PSG6: variants seen among roughly 807,000 people sequenced by gnomAD.
PSG6 encodes pregnancy specific beta-1-glycoprotein 6.
Under a neutral mutation model 43.3 loss-of-function variants are expected in PSG6, and 51 were observed. That is an observed-to-expected ratio of 1.18 (90% CI 0.94 to 1.49). The LOEUF (loss-of-function observed/expected upper bound fraction) is 1.49, where lower values mean the gene tolerates loss of function less well. Ranked by LOEUF, PSG6 falls within the 40% of genes most tolerant of loss-of-function variation. The pLI is 0.00. For missense variants in PSG6, 770 were observed against 522.2 expected, an observed-to-expected ratio of 1.47 and a Z score of -4.62; for synonymous variants, 292 against 197.6, an observed-to-expected ratio of 1.48 and a Z score of -4.01.
At chr19:42,909,532 T>C (rs1384431162) in intron 3 of PSG6, among the ~76,000 whole-genome samples, 1 of 151,694 alleles carries the variant, frequency 6.6e-6, no homozygotes, top group Non-Finnish European at 1.5e-5. Context: ...ATATTGCTTC[T>C]TCCAATCCAT....
chr19:42,902,506 A>C (rs896329145), intron 5 of PSG6, 60 bp from the exon 6 acceptor site: 14 of 1,595,632 alleles, frequency 8.8e-6, no homozygotes, highest in Non-Finnish European at 1.0e-5. Context: ...TTACAGAGAA[A>C]GCTTCTTTCC....
chr19:42,910,417 C>A, intron 3 of PSG6, 163 bp downstream of exon 3: 1 of 1,560,184 alleles, frequency 6.4e-7, no homozygotes, highest in Admixed American at 1.7e-5. Flanking sequence ...TTGATCAAGC[C>A]TAGGCCTACT....
intron 3 of PSG6, 72 bp downstream of exon 3, chr19:42,910,508 T>G: frequency 6.2e-7 from 1 of 1,611,682 alleles, no homozygotes; most frequent in South Asian, 1.1e-5. Flanking sequence ...TGAGAGGGAC[T>G]GAGAGGCCTG....
chr19:42,914,071 G>A (rs1972277815), intron 2 of PSG6, among the ~76,000 whole-genome samples: 1 of 151,648 alleles, frequency 6.6e-6, no homozygotes, highest in African/African-American at 2.4e-5. Context: ...GGAGGCCAGA[G>A]GAACTTGTCT....
Position 42,907,142 on chromosome 19 carries a change from G to A in PSG6, c.1020C>T (p.Phe340=). 6.2e-7 allele frequency: 1 copy of A among 1,612,698 alleles called. No homozygotes were observed. Among genetic ancestry groups the A allele is most frequent in the Non-Finnish European group, 8.5e-7 (1 of 1,179,250 alleles). ...GPDLPRIYPS[F]TYYRSGENLD... is the part of the protein sequence containing the mutation. ...GGTTTTCTCCTGAACGGTAATAGGT[G>A]AATGAAGGGTAAATTCTGGGGAGGT... The change falls in exon 5 of 6, where the codon TTC becomes TTT. Residue 340 remains phenylalanine, a synonymous_variant. Coordinates refer to ENST00000187910, the MANE Select transcript of PSG6 (RefSeq NM_001031850.4).
intron 3 of PSG6, chr19:42,910,306 G>C (rs1330741149): frequency 1.2e-6 from 1 of 830,094 alleles, no homozygotes; most frequent in African/African-American, 1.7e-5. Flanking sequence ...AATCCCCGCT[G>C]TGTTCACTGA....
chr19:42,906,503 G>A (rs1219545943), intron 5 of PSG6: 1 of 1,238,328 alleles, frequency 8.1e-7, no homozygotes, highest in African/African-American at 1.5e-5. Flanking sequence ...CCTCTCATTT[G>A]GGGGAAAAGT....
Position 42,906,903 on chromosome 19 carries a change from G to T in PSG6, c.1240+19C>A. 1 of 1,612,210 alleles carries T rather than the reference G, an allele frequency of 6.2e-7. No homozygotes were observed. The highest frequency in any genetic ancestry group is 1.3e-5 in the African/African-American group (1 of 74,790). On this transcript the variant is annotated intron_variant, in intron 5 of 5. Coordinates refer to ENST00000187910, the MANE Select transcript of PSG6 (RefSeq NM_001031850.4). ...CTCCACCTAAAACCCTATTGCCAAG[G>T]ATGCTGGGATCCACTTACCAGAGAC...
In PSG6 at chr19:42,907,524, C is replaced by G; in HGVS notation, c.985+52G>C. On this transcript the variant is annotated intron_variant, in intron 4 of 5. Coordinates refer to ENST00000187910, the MANE Select transcript of PSG6 (RefSeq NM_001031850.4). ...GAGACTGAGAGGCCTGGCCTCTGGT[C>G]GTTTGGAGTTAAGCTGGTGTCCTGG... The G allele has an allele frequency of 1.9e-6, 3 of 1,604,734 alleles. 1 individual carries two copies. Among genetic ancestry groups the G allele is most frequent in the Non-Finnish European group, 2.6e-6 (3 of 1,175,512 alleles).
intron 5 of PSG6, among the ~76,000 whole-genome samples, chr19:42,905,158 G>A (rs1467406563): frequency 6.6e-6 from 1 of 151,602 alleles, no homozygotes; most frequent in African/African-American, 2.4e-5. Flanking sequence ...AAATGTAAGA[G>A]TAAAAACTAT....
chr19:42,903,735 A>T, intron 5 of PSG6: 1 of 1,522,004 alleles, frequency 6.6e-7, no homozygotes, highest in Non-Finnish European at 8.8e-7. Flanking sequence ...CAAAAAAAAA[A>T]AAAACCAATT....
In PSG6 at chr19:42,916,250, T is replaced by C. The variant is rs973122332; in HGVS notation, c.302A>G (p.Tyr101Cys). The change falls in exon 2 of 6, where the codon TAT becomes TGT. Residue 101 changes from tyrosine to cysteine, a missense_variant. Physicochemically the swap from Tyr to Cys is radical, Grantham distance 194. Transcript: ENST00000187910. ...GPAYSGRETV[Y>C]SNASLLIQNV... ...CTGGATCAGCAGGGATGCATTGGAATATACTGTTTCTCGTCCACTGTAGGC... is the reference window on the plus strand; with the variant it reads ...CTGGATCAGCAGGGATGCATTGGAACATACTGTTTCTCGTCCACTGTAGGC... 2 of 1,612,276 alleles carry C rather than the reference T, an allele frequency of 1.2e-6. No homozygotes were observed. The highest frequency in any genetic ancestry group is 1.7e-6 in the Non-Finnish European group (2 of 1,179,130).
chr19:42,902,539 G>T (rs1407012286), intron 5 of PSG6, 93 bp from the exon 6 acceptor site: 4 of 1,542,476 alleles, frequency 2.6e-6, no homozygotes, highest in Non-Finnish European at 3.5e-6. Context: ...GCAAGGGTGT[G>T]AAAGCAAGTC....
Position 42,916,081 on chromosome 19 carries a change from G to A in PSG6, c.427+44C>T, listed in dbSNP as rs755916227. ...AATTCTGTGTGTGTGAAGTAGAAAT[G>A]ACCCCTGCCCCCCAACACCCAGGGA... On this transcript the variant is annotated intron_variant, in intron 2 of 5. Coordinates refer to ENST00000187910, the MANE Select transcript of PSG6 (RefSeq NM_001031850.4). The A allele has an allele frequency of 6.2e-6, 10 of 1,604,524 alleles. 3 individuals carry two copies. In the South Asian group the frequency reaches 1.1e-4, roughly 18 times the overall value.
intron 1 of PSG6, among the ~76,000 whole-genome samples, chr19:42,916,856 T>C (rs1972346404): frequency 6.6e-6 from 1 of 151,366 alleles, no homozygotes. Context: ...AGACCCTGGG[T>C]CTTCCCTTTC....
At position 42,907,793 on chromosome 19, in the gene PSG6, C is replaced by G. The variant is rs1065514; in HGVS notation, c.768G>C (p.Val256=). The G allele has an allele frequency of 8.4e-5, 136 of 1,611,324 alleles. 4 individuals are homozygous for G. In the East Asian group the frequency reaches 1.7e-3, roughly 20 times the overall value. ...NNLNPREKKD[V]LAFTCEPKSR... is the part of the protein sequence containing the mutation. Reference sequence around the variant, plus strand: ...TCTTAGGTTCACAGGTGAAGGCTAACACATCCTTCTTCTCCCTGGGGTTTA... The same window carrying G: ...TCTTAGGTTCACAGGTGAAGGCTAAGACATCCTTCTTCTCCCTGGGGTTTA... Residue 256 remains valine, a synonymous_variant, in exon 4 of 6, where the codon GTG becomes GTC. Transcript: ENST00000187910.
Position 42,916,289 on chromosome 19 carries a change from A to ATTC in PSG6, c.262_263insGAA (p.Gln87_Ile88insArg), listed in dbSNP as rs770071370. On this transcript the variant is annotated inframe_insertion, in exon 2 of 6. Transcript: ENST00000187910. ...TCCACTGTAGGCAGGCCCATATATA[A>ATTC]TTTGACCGTGTACTACATATGATGT... The ATTC allele has an allele frequency of 1.4e-5, 22 of 1,611,926 alleles. No homozygotes were observed. In the African/African-American group the frequency reaches 1.7e-4, roughly 13 times the overall value.
intron 1 of PSG6, among the ~76,000 whole-genome samples, chr19:42,917,078 T>TC (rs1156533991): frequency 6.6e-6 from 1 of 150,744 alleles, no homozygotes; most frequent in African/African-American, 2.4e-5. Flanking sequence ...CCTGGGTGTT[T>TC]TTTTTCCCCC....
chr19:42,911,141 C>T (rs1972217097), intron 2 of PSG6, among the ~76,000 whole-genome samples: 1 of 151,540 alleles, frequency 6.6e-6, no homozygotes, highest in Non-Finnish European at 1.5e-5. Context: ...GCCCCTGGTG[C>T]CTCTCTGAGT....
Sources: allele counts gnomAD v4.1 joint callset (sites outside exome capture counted in the v4.1 genomes callset), GRCh38; gene constraint gnomAD v4.1.1; transcripts MANE v1.5; gene names NCBI Gene and HGNC (gene_info 2026-07-23, HGNC 2026-07-21).